FRMD3: variants seen among roughly 807,000 people sequenced by gnomAD.
FRMD3 encodes the protein FERM domain-containing protein 3.
A neutral mutation model predicts 70.2 loss-of-function variants in FRMD3; 33 were observed. The observed-to-expected ratio is 0.47, with a 90% confidence interval of 0.36 to 0.63. The LOEUF (loss-of-function observed/expected upper bound fraction) is 0.63, where lower values mean the gene tolerates loss of function less well. Ranked by LOEUF, FRMD3 falls within the 20% of genes least tolerant of loss-of-function variation. The pLI, the probability that FRMD3 is intolerant of heterozygous loss-of-function variation, is 0.00. For missense variants in FRMD3, 632 were observed against 711.4 expected (o/e 0.89, Z 1.27); for synonymous variants, 279 against 255.9 (o/e 1.09, Z -0.86).
intron 1 of FRMD3, among the ~76,000 whole-genome samples, chr9:83,459,675 G>C (rs1827915758): frequency 6.6e-6 from 1 of 152,210 alleles, no homozygotes; most frequent in Admixed American, 6.5e-5. Context: ...CAATTCTGAA[G>C]CCTCCTCAGA....
chr9:83,386,123 T>C (rs1322469200), intron 2 of FRMD3, among the ~76,000 whole-genome samples: 2 of 152,180 alleles, frequency 1.3e-5, no homozygotes, highest in African/African-American at 4.8e-5. Context: ...ATTTGCTTTA[T>C]CCATCAGGAC....
chr9:83,358,699 T>C (rs1017032856), intron 3 of FRMD3, among the ~76,000 whole-genome samples: 1 of 150,940 alleles, frequency 6.6e-6, no homozygotes, highest in Non-Finnish European at 1.5e-5. Context: ...TATTTATTTA[T>C]TTATTTATTT....
At chr9:83,568,917 AAGAT>A in the FRMD3 span, among the ~76,000 whole-genome samples, 2,346 of 143,406 alleles carry the variant, frequency 0.016, 46 homozygotes, top group East Asian at 0.11. Context: ...CTTGTTAGAA[AAGAT>A]AGATAGATAG....
intron 1 of FRMD3, among the ~76,000 whole-genome samples, chr9:83,451,229 A>C (rs1040207251): frequency 1.3e-5 from 2 of 152,188 alleles, no homozygotes; most frequent in Non-Finnish European, 2.9e-5. Flanking sequence ...TCCATACTAC[A>C]CATGTACTTA....
At chr9:83,447,117 T>A (rs913563495) in intron 1 of FRMD3, among the ~76,000 whole-genome samples, 1 of 152,064 alleles carries the variant, frequency 6.6e-6, no homozygotes, top group Non-Finnish European at 1.5e-5. Context: ...TCTGCCTCCC[T>A]GGTTCAAGCG....
intron 1 of FRMD3, among the ~76,000 whole-genome samples, chr9:83,425,907 CAAAAAAAAAAA>C (rs71498055): frequency 1.2e-4 from 10 of 86,530 alleles, no homozygotes; most frequent in Non-Finnish European, 1.5e-4. Context: ...AACTCCGTCT[CAAAAAAAAAAA>C]AAAAAAAAAA....
intron 1 of FRMD3, among the ~76,000 whole-genome samples, chr9:83,495,169 G>A (rs1427505567): frequency 6.6e-6 from 1 of 152,132 alleles, no homozygotes; most frequent in Non-Finnish European, 1.5e-5. Flanking sequence ...AGGAGCTGAA[G>A]AGACAAAGAG....
intron 1 of FRMD3, among the ~76,000 whole-genome samples, chr9:83,488,523 A>T (rs1306660756): frequency 6.6e-6 from 1 of 152,232 alleles, no homozygotes; most frequent in Non-Finnish European, 1.5e-5. Context: ...AGTCATAAAC[A>T]GAATGCCTAC....
chr9:83,382,223 G>A (rs1223385058), intron 2 of FRMD3, among the ~76,000 whole-genome samples: 1 of 151,888 alleles, frequency 6.6e-6, no homozygotes, highest in Non-Finnish European at 1.5e-5. Context: ...CCACCAAATT[G>A]TTCTAAAGTC....
chr9:83,380,856 A>G (rs1019535992), intron 2 of FRMD3, among the ~76,000 whole-genome samples: 1 of 152,208 alleles, frequency 6.6e-6, no homozygotes, highest in Non-Finnish European at 1.5e-5. Flanking sequence ...GCTTTTAAAA[A>G]GAATGAATGC....
chr9:83,419,149 AG>A (rs1054871635), intron 1 of FRMD3, among the ~76,000 whole-genome samples: 66 of 152,158 alleles, frequency 4.3e-4, no homozygotes, highest in Admixed American at 2.8e-3. Flanking sequence ...GAAGGGTAGG[AG>A]GGGGGCCAGG....
At chr9:83,269,690 CAG>C (rs1833460542) in intron 13 of FRMD3, among the ~76,000 whole-genome samples, 1 of 152,122 alleles carries the variant, frequency 6.6e-6, no homozygotes, top group Non-Finnish European at 1.5e-5. Flanking sequence ...GCCTGGGAGA[CAG>C]AGTGAGACTC....
the FRMD3 span, among the ~76,000 whole-genome samples, chr9:83,558,276 G>GTGTGTGTT: frequency 6.6e-6 from 1 of 152,068 alleles, no homozygotes; most frequent in African/African-American, 2.4e-5. Context: ...GTGTGTGTGT[G>GTGTGTGTT]TGCGCGCGCG....
intron 12 of FRMD3, among the ~76,000 whole-genome samples, chr9:83,292,286 G>C (rs1265602913): frequency 6.6e-6 from 1 of 151,738 alleles, no homozygotes; most frequent in African/African-American, 2.4e-5. Context: ...AGCCTCGCGA[G>C]TAGCTGGGAT....
chr9:83,382,474 A>G (rs762592565), intron 2 of FRMD3, among the ~76,000 whole-genome samples: 5 of 152,208 alleles, frequency 3.3e-5, no homozygotes, highest in Admixed American at 6.5e-5. Context: ...TATTTAATAG[A>G]TGAAGAAATT....
intron 1 of FRMD3, among the ~76,000 whole-genome samples, chr9:83,491,639 C>T (rs1828828401): frequency 6.6e-6 from 1 of 152,166 alleles, no homozygotes; most frequent in South Asian, 2.1e-4. Context: ...TTTGGTGACC[C>T]TGTCCTTCCA....
rs555713301 is a variant in FRMD3 at position 83,247,028 on chromosome 9, T to C, written c.*890A>G. 3.0e-6 allele frequency: 3 copies of C among 985,420 alleles called. No individual in the cohort carries two copies. The East Asian group carries it at 3.4e-4, about 112-fold the overall frequency. 61.0% of individuals were successfully genotyped at this position (985,420 alleles called of 1,614,324 possible). On this transcript the variant is annotated 3_prime_UTR_variant, in exon 14 of 14. Coordinates refer to ENST00000304195, the MANE Select transcript of FRMD3 (RefSeq NM_174938.6). ...TAGCACATCTGTTACCTTTTTTCCT[T>C]TAAACTCTCACTTTCTTTTTAAAAC...
intron 7 of FRMD3, among the ~76,000 whole-genome samples, chr9:83,312,704 A>G (rs1401552157): frequency 6.6e-6 from 1 of 152,158 alleles, no homozygotes; most frequent in Non-Finnish European, 1.5e-5. Flanking sequence ...TTGGCTGCAC[A>G]TTGGAAACAC....
At chr9:83,452,658 A>ATTTTTTTTTT (rs1827699286) in intron 1 of FRMD3, among the ~76,000 whole-genome samples, 1 of 150,978 alleles carries the variant, frequency 6.6e-6, no homozygotes. Flanking sequence ...ATTTTTTTGT[A>ATTTTTTTTTT]TTTTTAGTAG....
Sources: allele counts gnomAD v4.1 joint callset (sites outside exome capture counted in the v4.1 genomes callset), GRCh38; gene constraint gnomAD v4.1.1; transcripts MANE v1.5; gene names NCBI Gene and HGNC (gene_info 2026-07-23, HGNC 2026-07-21).